Variants in MINDY2 observed in about 807,000 individuals in gnomAD.
MINDY2 encodes MINDY lysine 48 deubiquitinase 2, also known as ubiquitin carboxyl-terminal hydrolase MINDY-2.
MINDY2 carries 52 observed loss-of-function variants against 68.2 expected under a neutral mutation model. The observed-to-expected ratio is 0.76, with a 90% CI of 0.61 to 0.96. The LOEUF is 0.96. Among genes scored for constraint, MINDY2 ranks in the 40% least tolerant of loss-of-function variants. The pLI is 0.00. For synonymous variants in MINDY2, 372 were observed against 303.0 expected (o/e 1.23, Z -2.36); for missense variants, 881 against 773.4 (o/e 1.14, Z -1.65).
intron 6 of MINDY2, among the ~76,000 whole-genome samples, chr15:58,841,062 A>T (rs1213088237): frequency 2.0e-5 from 3 of 150,732 alleles, no homozygotes; most frequent in African/African-American, 7.3e-5. Context: ...GCTCACTGCA[A>T]CCTCTGCCTC....
intron 5 of MINDY2, among the ~76,000 whole-genome samples, chr15:58,827,552 C>G (rs1489422824): frequency 6.6e-6 from 1 of 152,180 alleles, no homozygotes; most frequent in Admixed American, 6.5e-5. Context: ...TAAGCTCCGC[C>G]TTCCGGGTTC....
rs1021752734 is a variant in MINDY2, at chr15:58,782,675, C to G, written c.841-5231C>G. Among the ~76,000 whole-genome samples the G allele has an allele frequency of 7.2e-5, 11 of 152,208 alleles. No homozygotes were observed. In the South Asian group the frequency reaches 2.3e-3, roughly 32 times the overall value. ...AGTGTTCTGCTGTTCTTAAAAAAGT[C>G]TGTGAGTATTGATAATTGGCTTTGG... On this transcript the variant is annotated intron_variant, in intron 1 of 8. Transcript: ENST00000559228.
rs1168820355 is a variant in MINDY2 at position 58,847,468 on chromosome 15, C to G, written c.1540C>G (p.Gln514Glu). 2.6e-6 allele frequency: 4 copies of G among 1,532,886 alleles called. No homozygotes were observed. Among genetic ancestry groups the G allele is most frequent in the Non-Finnish European group, 1.8e-6 (2 of 1,124,122 alleles). The allele number at this position is 1,532,886 out of a possible 1,614,324, so 95.0% of individuals were successfully genotyped here. A position where few individuals can be genotyped will look rare whatever the true frequency, so the allele number is the denominator to read the frequency against. ...CAAAGGACAACAAGATCAGATAGATCAGGTAAATTTGTATTGTCGTCTTTA... is the reference window on the plus strand; with the variant it reads ...CAAAGGACAACAAGATCAGATAGATGAGGTAAATTTGTATTGTCGTCTTTA... ...VYKGQQDQID[Q>E]DYLMALSLQQ... Residue 514 changes from glutamine (Q) to glutamate (E), a missense_variant and splice_region_variant, in exon 7 of 9, where the codon CAG (glutamine) becomes GAG (glutamate). Gln to Glu is a conservative substitution (Grantham distance 29, BLOSUM62 2). Coordinates refer to ENST00000559228, the MANE Select transcript of MINDY2 (RefSeq NM_001040450.3).
intron 1 of MINDY2, among the ~76,000 whole-genome samples, chr15:58,786,153 A>G (rs1312262121): frequency 6.6e-6 from 1 of 152,214 alleles, no homozygotes; most frequent in Non-Finnish European, 1.5e-5. Flanking sequence ...GATCTTTTTA[A>G]AAACTTATTT....
chr15:58,799,363 C>G (rs529910599), intron 2 of MINDY2, among the ~76,000 whole-genome samples: 1 of 152,190 alleles, frequency 6.6e-6, no homozygotes, highest in African/African-American at 2.4e-5. Context: ...GTCGGGAGAT[C>G]GAGACCATCC....
chr15:58,795,952 A>G (rs1039860504), intron 2 of MINDY2: 5 of 366,336 alleles, frequency 1.4e-5, no homozygotes, highest in Admixed American at 9.7e-5. Flanking sequence ...GAGGGTGAAG[A>G]TTGTTAGAAG....
chr15:58,853,218 G>C (rs943408687), intron 8 of MINDY2, among the ~76,000 whole-genome samples: 2 of 151,960 alleles, frequency 1.3e-5, no homozygotes, highest in South Asian at 4.2e-4. Context: ...CTCCCAAAGT[G>C]CTGGGATTAC....
At chr15:58,782,719 T>C (rs1459912915) in intron 1 of MINDY2, among the ~76,000 whole-genome samples, 1 of 142,194 alleles carries the variant, frequency 7.0e-6, no homozygotes, top group African/African-American at 2.7e-5. Context: ...AATTTGGTAA[T>C]TGGCTTTGGT....
chr15:58,796,687 TA>T (rs1707717656), intron 2 of MINDY2, among the ~76,000 whole-genome samples: 1 of 152,178 alleles, frequency 6.6e-6, no homozygotes, highest in Non-Finnish European at 1.5e-5. Flanking sequence ...CATGCCCAGC[TA>T]ATTTTTGTAT....
At chr15:58,799,231 A>G (rs758648556) in intron 2 of MINDY2, among the ~76,000 whole-genome samples, 4 of 152,196 alleles carry the variant, frequency 2.6e-5, no homozygotes, top group Non-Finnish European at 5.9e-5. Context: ...TTCTGTTGAG[A>G]TTACTCCATT....
intron 4 of MINDY2, among the ~76,000 whole-genome samples, chr15:58,816,689 A>G (rs1369895072): frequency 2.6e-5 from 4 of 152,238 alleles, no homozygotes; most frequent in Non-Finnish European, 4.4e-5. Flanking sequence ...GGGAAAGGCA[A>G]TCCTTTAAAC....
intron 4 of MINDY2, chr15:58,815,524 T>G (rs2030624661): frequency 6.6e-6 from 1 of 152,050 alleles, no homozygotes; most frequent in South Asian, 2.1e-4. Context: ...AATTTTTGTA[T>G]TTTTTATAGA....
chr15:58,825,099 T>C (rs2141006496), intron 5 of MINDY2, among the ~76,000 whole-genome samples: 1 of 152,378 alleles, frequency 6.6e-6, no homozygotes, highest in Middle Eastern at 3.4e-3. Flanking sequence ...TTCTAATCTT[T>C]ATTAAAAAAT....
chr15:58,850,385 A>T (rs2032755598), intron 7 of MINDY2, among the ~76,000 whole-genome samples: 1 of 152,316 alleles, frequency 6.6e-6, no homozygotes, highest in Admixed American at 6.5e-5. Flanking sequence ...AAAACATTAC[A>T]GTAGTTTCAC....
intron 1 of MINDY2, among the ~76,000 whole-genome samples, chr15:58,785,730 G>A (rs1162872934): frequency 6.6e-6 from 1 of 152,070 alleles, no homozygotes; most frequent in Non-Finnish European, 1.5e-5. Context: ...AGGCTGGAGC[G>A]TAGTGGCACG....
rs1387833359 is a variant in MINDY2 at position 58,771,721 on chromosome 15, C to A, written c.326C>A (p.Thr109Asn). 6.2e-7 allele frequency: 1 copy of A among 1,611,944 alleles called. No individual in the cohort carries two copies. The highest frequency in any genetic ancestry group is 8.5e-7 in the Non-Finnish European group (1 of 1,179,612). ...EAPLRGQYKV[T>N]ASPETAVAGV... is the part of the protein sequence containing the mutation. ...CCTCTGAGAGGGCAGTACAAGGTGA[C>A]CGCCTCCCCGGAGACAGCCGTGGCC... is the stretch of plus-strand genomic sequence containing the variant. The change falls in exon 1 of 9, where the codon ACC becomes AAC. Residue 109 changes from threonine to asparagine, a missense_variant. Thr to Asn is a moderately conservative substitution (Grantham distance 65). Transcript: ENST00000559228.
chr15:58,852,922 GTTTTTTTTTTTTTTTTTTTTTT>G lies in MINDY2; in HGVS notation c.1737+984_1737+1005del, dbSNP rs746154698. ...TATACCATGCCAGACTGCTGTTCCT[GTTTTTTTTTTTTTTTTTTTTTT>G]TTTTTTTTTTTTTTTTTTTTTTTTT... On this transcript the variant is annotated intron_variant, in intron 8 of 8. Coordinates refer to ENST00000559228, the MANE Select transcript of MINDY2 (RefSeq NM_001040450.3). Among the ~76,000 whole-genome samples, 94 of 48,958 alleles carry G rather than the reference GTTTTTTTTTTTTTTTTTTTTTT, an allele frequency of 1.9e-3. 1 individual carries two copies. The highest frequency in any genetic ancestry group is 5.1e-3 in the African/African-American group (68 of 13,318). The allele number at this position is 48,958 out of a possible 152,430, so 32.1% of individuals were successfully genotyped here.
At chr15:58,836,749 A>G (rs1375540358) in intron 6 of MINDY2, among the ~76,000 whole-genome samples, 1 of 151,976 alleles carries the variant, frequency 6.6e-6, no homozygotes, top group African/African-American at 2.4e-5. Flanking sequence ...CTCCCAAGCA[A>G]CTGGGACTAC....
chr15:58,821,800 TAGTG>T lies in MINDY2; in HGVS notation c.1209_1212del (p.Glu404TrpfsTer7). On this transcript the variant is annotated frameshift_variant, in exon 5 of 9. Coordinates refer to ENST00000559228, the MANE Select transcript of MINDY2 (RefSeq NM_001040450.3). LOFTEE classifies it high-confidence loss of function. ...TCATCTCTTGTAAACAGTCAGACAATAGTGAGCTGGTTAGTGAAGGTGGGTGAGT... is the reference window on the plus strand; with the variant it reads ...TCATCTCTTGTAAACAGTCAGACAATAGCTGGTTAGTGAAGGTGGGTGAGT... 1 of 1,590,050 alleles carries T rather than the reference TAGTG, an allele frequency of 6.3e-7. No homozygotes were observed. The highest frequency in any genetic ancestry group is 2.3e-5 in the East Asian group (1 of 43,008).
Sources: allele counts gnomAD v4.1 joint callset (sites outside exome capture counted in the v4.1 genomes callset), GRCh38; gene constraint gnomAD v4.1.1; transcripts MANE v1.5; gene names NCBI Gene and HGNC (gene_info 2026-07-23, HGNC 2026-07-21).